Variants in DAOA observed in about 807,000 individuals in gnomAD.
DAOA encodes D-amino acid oxidase activator, also known as D-amino acid oxidase regulator.
DAOA carries 15 observed loss-of-function variants against 16.4 expected under a neutral mutation model. That is an observed-to-expected ratio of 0.91 (90% CI 0.61 to 1.41). The LOEUF is 1.41. DAOA is among the 40% of genes most tolerant of loss of function. The pLI is 0.00. For missense variants in DAOA, 230 were observed against 176.8 expected (o/e 1.30, Z -1.71); for synonymous variants, 75 against 59.1 (o/e 1.27, Z -1.23).
chr13:105,490,671 T>G (rs1354439711), intron 5 of DAOA: 1 of 152,112 alleles, frequency 6.6e-6, no homozygotes, highest in Non-Finnish European at 1.5e-5. Context: ...TTTCTATAAA[T>G]TCCTCTGGAA....
In DAOA at chr13:105,470,431, A is replaced by T. The variant is rs541759362; in HGVS notation, c.134-2107A>T. On this transcript the variant is annotated intron_variant, in intron 3 of 5. Transcript: ENST00000375936. ...TGCCTTTTTTATCATTCTCATTTTT[A>T]AGCCAACTAACAAAATGCCAAACAA... 9.2e-5 allele frequency among the ~76,000 whole-genome samples: 14 copies of T among 152,152 alleles called. No homozygotes were observed. In the East Asian group the frequency reaches 2.5e-3, roughly 27 times the overall value.
rs954340615 is a variant in DAOA, at chr13:105,472,407, C to T, written c.134-131C>T. Reference sequence around the variant, plus strand: ...AGTCTCTGAGGGAATTTTGTCTTAACCAAAAACCTCTGAAAAATTAAGTAA... The same window carrying T: ...AGTCTCTGAGGGAATTTTGTCTTAATCAAAAACCTCTGAAAAATTAAGTAA... On this transcript the variant is annotated intron_variant, in intron 3 of 5. Transcript: ENST00000375936. 3.8e-6 allele frequency: 5 copies of T among 1,311,620 alleles called. No individual in the cohort carries two copies. The African/African-American group carries it at 6.0e-5, about 16-fold the overall frequency. 81.2% of individuals were successfully genotyped at this position (1,311,620 alleles called of 1,614,324 possible).
intron 4 of DAOA, among the ~76,000 whole-genome samples, chr13:105,479,496 A>G (rs9586860): frequency 0.053 from 8,118 of 152,240 alleles, 784 homozygotes; most frequent in African/African-American, 0.18. Context: ...TTCCCACTGG[A>G]CAGAGAATCT....
intron 3 of DAOA, among the ~76,000 whole-genome samples, chr13:105,470,837 C>T (rs1338275631): frequency 1.3e-5 from 2 of 152,000 alleles, no homozygotes; most frequent in East Asian, 1.9e-4. Flanking sequence ...GTGGCCCAGG[C>T]TCGAGTGCAG....
In DAOA at chr13:105,490,998, ATCTC is replaced by A. The variant is rs1165691662; in HGVS notation, c.*202_*205del. The A allele has an allele frequency of 6.6e-6, 1 of 152,054 alleles. No homozygotes were observed. 9.4% of individuals were successfully genotyped at this position (152,054 alleles called of 1,614,324 possible). A position where few individuals can be genotyped will look rare whatever the true frequency, so the allele number is the denominator to read the frequency against. On this transcript the variant is annotated 3_prime_UTR_variant, in exon 6 of 6. Transcript: ENST00000375936. The stretch of plus-strand genomic sequence containing the variant: ...CCACCTGGCCTGTGTGACTGGGAGA[ATCTC>A]TCTTTTTATTAAATGTGCTTCAAGT...
chr13:105,489,785 T>C, intron 4 of DAOA, 116 bp from the exon 5 acceptor site: 2 of 1,605,412 alleles, frequency 1.2e-6, no homozygotes, highest in Non-Finnish European at 1.7e-6. Context: ...CCCTTGAATG[T>C]GGGCAGGAGC....
chr13:105,468,297 G>C (rs1198939726), intron 3 of DAOA, among the ~76,000 whole-genome samples: 1 of 152,124 alleles, frequency 6.6e-6, no homozygotes, highest in Admixed American at 6.5e-5. Context: ...GACATTTTTG[G>C]GGGGTGGAGC....
chr13:105,469,622 G>C (rs891721560), intron 3 of DAOA, among the ~76,000 whole-genome samples: 2 of 152,150 alleles, frequency 1.3e-5, no homozygotes, highest in African/African-American at 4.8e-5. Context: ...CAAACTCAAG[G>C]TTATAAACTA....
chr13:105,474,614 A>T (rs1877215842), intron 4 of DAOA, among the ~76,000 whole-genome samples: 1 of 152,154 alleles, frequency 6.6e-6, no homozygotes, highest in Non-Finnish European at 1.5e-5. Context: ...GACTAAAGCC[A>T]GCAAATGTGC....
chr13:105,470,076 G>A (rs1194416114), intron 3 of DAOA, among the ~76,000 whole-genome samples: 1 of 149,158 alleles, frequency 6.7e-6, no homozygotes, highest in Non-Finnish European at 1.5e-5. Context: ...CCCCAGGCTG[G>A]ACATGTTTCT....
chr13:105,477,737 A>T (rs1274518906), intron 4 of DAOA, among the ~76,000 whole-genome samples: 1 of 152,190 alleles, frequency 6.6e-6, no homozygotes, highest in Admixed American at 6.5e-5. Context: ...TAAAACATTT[A>T]AAAAATTTAC....
At chr13:105,487,996 C>T (rs967710913) in intron 4 of DAOA, among the ~76,000 whole-genome samples, 1 of 152,002 alleles carries the variant, frequency 6.6e-6, no homozygotes, top group African/African-American at 2.4e-5. Flanking sequence ...GTGACAGCTT[C>T]AGATTTTTAA....
chr13:105,486,574 G>A (rs1257455091), intron 4 of DAOA, among the ~76,000 whole-genome samples: 2 of 151,454 alleles, frequency 1.3e-5, no homozygotes, highest in East Asian at 1.9e-4. Flanking sequence ...ATTCATGAAC[G>A]CTCTCAGTTT....
chr13:105,487,412 C>G (rs1183792212), intron 4 of DAOA, among the ~76,000 whole-genome samples: 1 of 152,090 alleles, frequency 6.6e-6, no homozygotes, highest in African/African-American at 2.4e-5. Context: ...ATAAGAGCAT[C>G]TGAGTTCTGT....
At chr13:105,466,397 A>C in intron 2 of DAOA, 65 bp downstream of exon 2, 7 of 1,611,030 alleles carry the variant, frequency 4.3e-6, no homozygotes, top group Non-Finnish European at 5.9e-6. Flanking sequence ...GCATGGCAGC[A>C]CAGAGCTCCC....
chr13:105,468,436 A>G (rs1333699506), intron 3 of DAOA, among the ~76,000 whole-genome samples: 5 of 152,196 alleles, frequency 3.3e-5, no homozygotes, highest in African/African-American at 1.2e-4. Flanking sequence ...CCAAGTTTAG[A>G]TGCTCATCTT....
chr13:105,476,183 G>A (rs957720689), intron 4 of DAOA, among the ~76,000 whole-genome samples: 7 of 151,926 alleles, frequency 4.6e-5, no homozygotes, highest in Admixed American at 3.9e-4. Flanking sequence ...ACCAATGAGA[G>A]AAGAAAAAAG....
chr13:105,486,464 C>G (rs769649427), intron 4 of DAOA, among the ~76,000 whole-genome samples: 1 of 152,090 alleles, frequency 6.6e-6, no homozygotes, highest in African/African-American at 2.4e-5. Context: ...TCTCTCACCC[C>G]GTTGACCTAT....
chr13:105,466,204 C>T lies in DAOA; in HGVS notation c.-73-12C>T. Reference sequence around the variant, plus strand: ...AAGCTTACTAGTGTATATGATGATTCTGTTGGTCCAGGATTTGGAAAGGGC... The same window carrying T: ...AAGCTTACTAGTGTATATGATGATTTTGTTGGTCCAGGATTTGGAAAGGGC... On this transcript the variant is annotated splice_polypyrimidine_tract_variant and intron_variant, in intron 1 of 5. Transcript: ENST00000375936. 2 of 1,599,248 alleles carry T rather than the reference C, an allele frequency of 1.3e-6. No homozygotes were observed. The highest frequency in any genetic ancestry group is 1.7e-6 in the Non-Finnish European group (2 of 1,171,766).
Sources: allele counts gnomAD v4.1 joint callset (sites outside exome capture counted in the v4.1 genomes callset), GRCh38; gene constraint gnomAD v4.1.1; transcripts MANE v1.5; gene names NCBI Gene and HGNC (gene_info 2026-07-23, HGNC 2026-07-21).